The following PAX5 variants were observed in gnomAD, a reference collection of about 807,000 sequenced individuals.
PAX5 encodes paired box 5, also known as paired box protein Pax-5.
A neutral mutation model predicts 43.7 loss-of-function variants in PAX5; 9 were observed. That is an observed-to-expected ratio of 0.21 (90% confidence interval 0.12 to 0.36). The LOEUF is 0.36. Among genes scored for constraint, PAX5 ranks in the 10% least tolerant of loss-of-function variants. The pLI is 1.00. For synonymous variants in PAX5, 228 were observed against 214.3 expected (o/e 1.06, Z -0.56); for missense variants, 383 against 532.7 (o/e 0.72, Z 2.77).
chr9:36,932,172 A>C (rs1234025268), intron 6 of PAX5, among the ~76,000 whole-genome samples: 2 of 152,020 alleles, frequency 1.3e-5, no homozygotes, highest in African/African-American at 4.8e-5. Flanking sequence ...ATTTTGGAGA[A>C]TGAGGCAGGA....
chr9:36,989,286 G>A (rs1317248169), intron 5 of PAX5, among the ~76,000 whole-genome samples: 1 of 152,204 alleles, frequency 6.6e-6, no homozygotes, highest in African/African-American at 2.4e-5. Flanking sequence ...AGCCTCATAC[G>A]GATGTCATCC....
At position 36,944,897 on chromosome 9, in the gene PAX5, C is replaced by T. The variant is rs1832362764; in HGVS notation, c.781-21413G>A. Among the ~76,000 whole-genome samples the T allele has an allele frequency of 2.6e-5, 4 of 152,246 alleles. No individual in the cohort carries two copies. In the South Asian group the frequency reaches 8.3e-4, roughly 31 times the overall value. Reference sequence around the variant, plus strand: ...CTAACCGGGGACCGGAGGGATGCTGCTCTGTGCCTATGGTTAAACACAGAC... The same window carrying T: ...CTAACCGGGGACCGGAGGGATGCTGTTCTGTGCCTATGGTTAAACACAGAC... On this transcript the variant is annotated intron_variant, in intron 6 of 9. Coordinates refer to ENST00000358127, the MANE Select transcript of PAX5 (RefSeq NM_016734.3).
In PAX5 at chr9:37,034,088, C is replaced by CTTTTTTTTTA; in HGVS notation, c.-58_-57insTAAAAAAAAA. On this transcript the variant is annotated 5_prime_UTR_variant, in exon 1 of 10. Coordinates refer to ENST00000358127, the MANE Select transcript of PAX5 (RefSeq NM_016734.3). ...GGGAAAAGTTTCCACTTTTTTGTGC[C>CTTTTTTTTTA]TTTTTTTTTCTTTTTTTTTTTTTTT... 4.5e-6 allele frequency: 2 copies of CTTTTTTTTTA among 447,906 alleles called. No homozygotes were observed. The highest frequency in any genetic ancestry group is 4.1e-5 in the East Asian group (1 of 24,500). 27.7% of individuals were successfully genotyped at this position (447,906 alleles called of 1,614,324 possible).
intron 6 of PAX5, among the ~76,000 whole-genome samples, chr9:36,930,460 C>T (rs1227101167): frequency 6.6e-6 from 1 of 152,122 alleles, no homozygotes; most frequent in African/African-American, 2.4e-5. Flanking sequence ...CTGCTGAGCT[C>T]AATTGATCCA....
Position 36,837,037 on chromosome 9 carries a change from G to A in PAX5, c.*3523C>T. On this transcript the variant is annotated 3_prime_UTR_variant, in exon 10 of 10. Transcript: ENST00000358127. ...ACCTGCAGGCCCCTAGGTCAGGCCA[G>A]CCTCTGGGTCCCTGTTCTTTCTTGC... The A allele has an allele frequency of 4.3e-6, 1 of 233,040 alleles. No homozygotes were observed. The highest frequency in any genetic ancestry group is 8.5e-6 in the Non-Finnish European group (1 of 117,930). The allele number at this position is 233,040 out of a possible 1,614,324, so 14.4% of individuals were successfully genotyped here. A position where few individuals can be genotyped will look rare whatever the true frequency, so the allele number is the denominator to read the frequency against.
intron 1 of PAX5, among the ~76,000 whole-genome samples, chr9:37,030,096 C>G (rs1313732859): frequency 6.6e-6 from 1 of 152,228 alleles, no homozygotes; most frequent in Non-Finnish European, 1.5e-5. Context: ...AGCGCCGATT[C>G]TCCCTTTCAC....
At chr9:36,862,062 C>A (rs547091386) in intron 8 of PAX5, among the ~76,000 whole-genome samples, 1 of 152,158 alleles carries the variant, frequency 6.6e-6, no homozygotes, top group Non-Finnish European at 1.5e-5. Context: ...AGGGCACTCA[C>A]GGAGCGGGGC....
intron 6 of PAX5, among the ~76,000 whole-genome samples, chr9:36,926,168 C>T (rs1830624868): frequency 6.6e-6 from 1 of 152,194 alleles, no homozygotes; most frequent in Non-Finnish European, 1.5e-5. Context: ...GTGCCCAAGC[C>T]AGGATTCAAA....
intron 5 of PAX5, among the ~76,000 whole-genome samples, chr9:36,980,048 C>T (rs1300774336): frequency 6.6e-6 from 1 of 152,228 alleles, no homozygotes; most frequent in African/African-American, 2.4e-5. Context: ...GAACTCCTAT[C>T]GACAGAGAAG....
rs527563284 is a variant in PAX5, at chr9:36,849,046, C to T, written c.1013-2117G>A. On this transcript the variant is annotated intron_variant, in intron 8 of 9. Transcript: ENST00000358127. ...TTCCTCTGGGAAGCCCCTCTCCCAC[C>T]CCTCCTCTTCCGATCCCAGTCTCCC... 1.6e-4 allele frequency among the ~76,000 whole-genome samples: 24 copies of T among 152,332 alleles called. 1 individual carries two copies. The South Asian group carries it at 2.1e-3, about 13-fold the overall frequency.
At chr9:36,888,101 T>C (rs1689801232) in intron 7 of PAX5, among the ~76,000 whole-genome samples, 1 of 152,270 alleles carries the variant, frequency 6.6e-6, no homozygotes, top group South Asian at 2.1e-4. Flanking sequence ...ACTGGGAAGG[T>C]CACAGTCAAA....
At chr9:36,976,714 C>T (rs1338866225) in intron 5 of PAX5, among the ~76,000 whole-genome samples, 1 of 152,202 alleles carries the variant, frequency 6.6e-6, no homozygotes, top group Non-Finnish European at 1.5e-5. Context: ...AAGGAAAATG[C>T]GAAATTGTAA....
At chr9:36,946,187 G>A (rs1021317026) in intron 6 of PAX5, among the ~76,000 whole-genome samples, 6 of 151,980 alleles carry the variant, frequency 3.9e-5, no homozygotes, top group Non-Finnish European at 7.4e-5. Context: ...TGCTCCGTCA[G>A]GATGCAGTGC....
intron 6 of PAX5, among the ~76,000 whole-genome samples, chr9:36,933,343 G>T (rs976336294): frequency 6.6e-6 from 1 of 152,156 alleles, no homozygotes; most frequent in Admixed American, 6.5e-5. Context: ...CTGGTGCCCT[G>T]CCCTGCTCCT....
chr9:36,937,555 C>T (rs1378066097), intron 6 of PAX5, among the ~76,000 whole-genome samples: 2 of 152,190 alleles, frequency 1.3e-5, no homozygotes, highest in Non-Finnish European at 2.9e-5. Context: ...CTGACGGGGA[C>T]ACCACCTGCT....
chr9:36,920,603 C>T (rs552459405), intron 7 of PAX5, among the ~76,000 whole-genome samples: 17 of 152,184 alleles, frequency 1.1e-4, no homozygotes, highest in South Asian at 4.1e-4. Flanking sequence ...ATCCAAAATG[C>T]GTGGGACCAG....
intron 6 of PAX5, among the ~76,000 whole-genome samples, chr9:36,965,582 A>G (rs1308331768): frequency 6.6e-6 from 1 of 152,222 alleles, no homozygotes; most frequent in Non-Finnish European, 1.5e-5. Flanking sequence ...GGAGCTGTGC[A>G]GGGAGGCTAC....
chr9:36,984,260 G>A (rs1836185447), intron 5 of PAX5, among the ~76,000 whole-genome samples: 1 of 152,056 alleles, frequency 6.6e-6, no homozygotes, highest in Non-Finnish European at 1.5e-5. Flanking sequence ...AGGCAGGTGG[G>A]ACTAAGACTG....
At chr9:36,886,625 A>G (rs950560000) in intron 7 of PAX5, among the ~76,000 whole-genome samples, 1 of 152,152 alleles carries the variant, frequency 6.6e-6, no homozygotes, top group East Asian at 1.9e-4. Flanking sequence ...GGGATGGGAA[A>G]CCAGATTTAA....
Sources: allele counts gnomAD v4.1 joint callset (sites outside exome capture counted in the v4.1 genomes callset), GRCh38; gene constraint gnomAD v4.1.1; transcripts MANE v1.5; gene names NCBI Gene and HGNC (gene_info 2026-07-23, HGNC 2026-07-21).